Variants in RNF103 observed in about 807,000 individuals in gnomAD.
The protein encoded by RNF103 is E3 ubiquitin-protein ligase RNF103.
Under a neutral mutation model 66.2 loss-of-function variants are expected in RNF103, and 23 were observed. The observed-to-expected ratio is 0.35, with a 90% CI of 0.25 to 0.49. The LOEUF is 0.49. Among genes scored for constraint, RNF103 ranks in the 20% least tolerant of loss-of-function variants. RNF103 has a pLI of 0.98. For synonymous variants in RNF103, 297 were observed against 289.9 expected (o/e 1.02, Z -0.25); for missense variants, 730 against 814.7 (o/e 0.90, Z 1.27).
At chr2:86,606,513 A>C (rs1678558569) in intron 3 of RNF103, among the ~76,000 whole-genome samples, 1 of 151,942 alleles carries the variant, frequency 6.6e-6, no homozygotes, top group Admixed American at 6.5e-5. Context: ...AAATATAAAA[A>C]TTAGCTGGGC....
At chr2:86,618,668 T>C (rs1342801331) in intron 2 of RNF103, 1 of 152,222 alleles carries the variant, frequency 6.6e-6, no homozygotes, top group South Asian at 2.1e-4. Flanking sequence ...TTTATTTCCA[T>C]GGGATCATTC....
chr2:86,621,540 C>G (rs908508578), intron 1 of RNF103, among the ~76,000 whole-genome samples: 1 of 152,198 alleles, frequency 6.6e-6, no homozygotes, highest in Admixed American at 6.5e-5. Context: ...ACATTTATCA[C>G]TTCTGCAGAG....
chr2:86,615,529 T>TATATATATATATATATAA (rs1678983617), intron 2 of RNF103, among the ~76,000 whole-genome samples: 1 of 147,504 alleles, frequency 6.8e-6, no homozygotes, highest in African/African-American at 2.5e-5. Flanking sequence ...CTTATATATA[T>TATATATATATATATATAA]ATATATATAA....
chr2:86,604,424 A>G lies in RNF103; in HGVS notation c.1477T>C (p.Leu493=). The G allele has an allele frequency of 5.0e-6, 8 of 1,614,242 alleles. No individual in the cohort carries two copies. The highest frequency in any genetic ancestry group is 6.8e-6 in the Non-Finnish European group (8 of 1,180,040). The part of the protein sequence containing the change: ...DEDPDLFLER[L]AFPDLWLHPL... ...TGAAGCCAAAGGTCAGGGAAAGCTA[A>G]GCGCTCCAAGAATAAGTCAGGGTCT... Residue 493 remains leucine, a synonymous_variant, in exon 4 of 4, where the codon TTA becomes CTA. Coordinates refer to ENST00000237455, the MANE Select transcript of RNF103 (RefSeq NM_005667.4).
intron 2 of RNF103, chr2:86,612,789 A>C (rs1678848457): frequency 6.6e-6 from 1 of 152,490 alleles, no homozygotes; most frequent in East Asian, 1.9e-4. Flanking sequence ...AAATCAATAA[A>C]TACTACTAGT....
chr2:86,617,494 T>C (rs1479732423), intron 2 of RNF103: 10 of 447,440 alleles, frequency 2.2e-5, no homozygotes, highest in Non-Finnish European at 3.0e-5. Flanking sequence ...TGTGCCTAAC[T>C]TACACATTAA....
rs1412004272 is a variant in RNF103 at position 86,604,932 on chromosome 2, T to C, written c.969A>G (p.Val323=). ...CCAAGCTCAAAACAAACAGATCATT[T>C]ACCTCGGGTTGTAATGAGCGCAAAA... The part of the protein sequence containing the change: ...DSFLRSLQPE[V]NDLFVLSLVL... The change falls in exon 4 of 4, where the codon GTA becomes GTG. Residue 323 remains valine (V), a synonymous_variant. Coordinates refer to ENST00000237455, the MANE Select transcript of RNF103 (RefSeq NM_005667.4). 1 of 1,614,050 alleles carries C rather than the reference T, an allele frequency of 6.2e-7. No individual in the cohort carries two copies. Among genetic ancestry groups the C allele is most frequent in the Non-Finnish European group, 8.5e-7 (1 of 1,180,026 alleles).
In RNF103 at chr2:86,623,059, C is replaced by G; in HGVS notation, c.-173G>C. 2 of 1,308,052 alleles carry G rather than the reference C, an allele frequency of 1.5e-6. No homozygotes were observed. The highest frequency in any genetic ancestry group is 1.9e-6 in the Non-Finnish European group (2 of 1,034,274). 81.0% of individuals were successfully genotyped at this position (1,308,052 alleles called of 1,614,324 possible). On this transcript the variant is annotated 5_prime_UTR_variant, in exon 1 of 4. Coordinates refer to ENST00000237455, the MANE Select transcript of RNF103 (RefSeq NM_005667.4). ...CGGCGGGGAAGCAGGTGACGGGATC[C>G]GCGCGGGCGCGAGGCGGCGACGAGG...
intron 3 of RNF103, among the ~76,000 whole-genome samples, chr2:86,610,281 T>C (rs1678743425): frequency 6.6e-6 from 1 of 152,228 alleles, no homozygotes; most frequent in Non-Finnish European, 1.5e-5. Context: ...GGTAGGATTA[T>C]TTGAAGATGA....
chr2:86,609,777 G>A (rs755974400), intron 3 of RNF103, among the ~76,000 whole-genome samples: 16 of 152,170 alleles, frequency 1.1e-4, no homozygotes, highest in Non-Finnish European at 8.8e-5. Flanking sequence ...GCACACTGAA[G>A]TCAGCTGCCC....
At position 86,615,287 on chromosome 2, in the gene RNF103, T is replaced by C. The variant is rs754326330; in HGVS notation, c.367-3013A>G. ...ACAAAAATGAAAAATCTTGTAGGCA[T>C]TGCATGAAAGCATTTTATATTACTT... is the stretch of plus-strand genomic sequence containing the variant. On this transcript the variant is annotated intron_variant, in intron 2 of 3. Transcript: ENST00000237455. 4.6e-4 allele frequency: 438 copies of C among 960,654 alleles called. 5 individuals carry two copies. The highest frequency in any genetic ancestry group is 3.0e-4 in the African/African-American group (17 of 56,594). 59.5% of individuals were successfully genotyped at this position (960,654 alleles called of 1,614,324 possible).
At position 86,604,495 on chromosome 2, in the gene RNF103, G is replaced by A. The variant is rs1416584239; in HGVS notation, c.1406C>T (p.Pro469Leu). ...WDWYTSYLFHPIASFQNFPVE... is the reference protein window; with the variant it reads ...WDWYTSYLFHLIASFQNFPVE... ...AGGAAAGTTCTGAAAAGAAGCAATC[G>A]GGTGGAAGAGGTAGCTGGTGTACCA... is the stretch of plus-strand genomic sequence containing the variant. The change falls in exon 4 of 4, where the codon CCG becomes CTG. Residue 469 changes from proline (P) to leucine (L), a missense_variant. Pro to Leu is a moderately conservative substitution (Grantham distance 98, BLOSUM62 -3). This residue lies in a region of RNF103 where 355 missense variants were observed against 351.9 expected (regional missense o/e 1.01). Coordinates refer to ENST00000237455, the MANE Select transcript of RNF103 (RefSeq NM_005667.4). The A allele has an allele frequency of 1.9e-6, 3 of 1,614,218 alleles. No individual in the cohort carries two copies. The highest frequency in any genetic ancestry group is 1.7e-5 in the Admixed American group (1 of 60,020).
chr2:86,606,163 T>TA (rs1307839878), intron 3 of RNF103, among the ~76,000 whole-genome samples: 3 of 151,800 alleles, frequency 2.0e-5, no homozygotes, highest in African/African-American at 7.3e-5. Context: ...AGTATTTAGA[T>TA]TAAGAGGTTC....
chr2:86,617,026 G>C (rs1205029532), intron 2 of RNF103: 1 of 985,212 alleles, frequency 1.0e-6, no homozygotes, highest in East Asian at 1.1e-4. Context: ...ATATGAGCTT[G>C]GGTTAGGGAC....
At position 86,613,478 on chromosome 2, in the gene RNF103, AG is replaced by A. The variant is rs1271664410; in HGVS notation, c.367-1205del. ...ATCATGAAACCATCTGTTTAAGTCC[AG>A]GGTATATAGGCCAAGTTTATTTTCA... On this transcript the variant is annotated intron_variant, in intron 2 of 3. Coordinates refer to ENST00000237455, the MANE Select transcript of RNF103 (RefSeq NM_005667.4). 3.3e-5 allele frequency: 5 copies of A among 152,212 alleles called. No individual in the cohort carries two copies. The East Asian group carries it at 9.6e-4, about 29-fold the overall frequency. The allele number at this position is 152,212 out of a possible 1,614,324, so 9.4% of individuals were successfully genotyped here.
At chr2:86,611,036 T>C (rs567248229) in intron 3 of RNF103, among the ~76,000 whole-genome samples, 42 of 149,158 alleles carry the variant, frequency 2.8e-4, no homozygotes, top group Non-Finnish European at 5.3e-4. Flanking sequence ...ATTAGCCAGG[T>C]GTGGTGATGC....
At chr2:86,605,857 G>C (rs1194935887) in intron 3 of RNF103, among the ~76,000 whole-genome samples, 3 of 152,196 alleles carry the variant, frequency 2.0e-5, no homozygotes, top group Non-Finnish European at 2.9e-5. Context: ...TTCATGAATG[G>C]TTTAGGAATT....
chr2:86,617,326 T>C (rs1679058885), intron 2 of RNF103: 5 of 985,146 alleles, frequency 5.1e-6, no homozygotes, highest in Non-Finnish European at 4.8e-6. Context: ...TAAAATACAG[T>C]GGTCTCCCCT....
chr2:86,623,170 T>C lies in RNF103; in HGVS notation c.-284A>G. 1 of 1,092,692 alleles carries C rather than the reference T, an allele frequency of 9.2e-7. No individual in the cohort carries two copies. Among genetic ancestry groups the C allele is most frequent in the African/African-American group, 1.7e-5 (1 of 59,632 alleles). 67.7% of individuals were successfully genotyped at this position (1,092,692 alleles called of 1,614,324 possible). ...GGAAAAACTCAAAACCCCCATCCAT[T>C]AAGCACAGAAAGGAGAGGGGCGCGG... On this transcript the variant is annotated 5_prime_UTR_variant, in exon 1 of 4. Transcript: ENST00000237455.
Sources: allele counts gnomAD v4.1 joint callset (sites outside exome capture counted in the v4.1 genomes callset), GRCh38; gene constraint gnomAD v4.1.1; regional missense constraint gnomAD v4.1.1; transcripts MANE v1.5; gene names NCBI Gene and HGNC (gene_info 2026-07-23, HGNC 2026-07-21).